FGF14: variants seen among roughly 807,000 people sequenced by gnomAD.
FGF14 encodes fibroblast growth factor 14, also known as fibroblast growth factor homologous factor 4.
Under a neutral mutation model 25.5 loss-of-function variants are expected in FGF14, and 5 were observed. That is an observed-to-expected ratio of 0.20 (90% CI 0.10 to 0.41). The LOEUF is 0.41. Ranked by LOEUF, FGF14 falls within the 10% of genes least tolerant of loss-of-function variation. FGF14 has a pLI of 1.00. For missense variants in FGF14, 222 were observed against 320.1 expected, an observed-to-expected ratio of 0.69 and a Z score of 2.34; for synonymous variants, 138 against 118.3, an observed-to-expected ratio of 1.17 and a Z score of -1.08.
At chr13:101,825,233 C>G (rs1341137207) in intron 3 of FGF14, among the ~76,000 whole-genome samples, 1 of 152,164 alleles carries the variant, frequency 6.6e-6, no homozygotes, top group Non-Finnish European at 1.5e-5. Flanking sequence ...AGATCTGACA[C>G]TAACTCCAGG....
At chr13:102,183,835 T>G (rs2048771873) in intron 1 of FGF14, among the ~76,000 whole-genome samples, 1 of 152,156 alleles carries the variant, frequency 6.6e-6, no homozygotes, top group Admixed American at 6.6e-5. Context: ...GTCTAAGATG[T>G]GGGACACAGT....
upstream of FGF14, among the ~76,000 whole-genome samples, chr13:101,920,197 T>G (rs576934919): frequency 2.0e-5 from 3 of 152,316 alleles, no homozygotes; most frequent in Admixed American, 2.0e-4. Flanking sequence ...AACACAAATG[T>G]AAAGGTTACT....
chr13:101,884,062 CAAAAAAA>C (rs11315735), intron 1 of FGF14, among the ~76,000 whole-genome samples: 53 of 37,832 alleles, frequency 1.4e-3, no homozygotes, highest in Admixed American at 3.9e-3. Context: ...GACTCCATCT[CAAAAAAA>C]AAAAAAAAAA....
intron 3 of FGF14, among the ~76,000 whole-genome samples, chr13:101,786,973 C>T (rs973607827): frequency 2.6e-5 from 4 of 152,140 alleles, no homozygotes; most frequent in African/African-American, 9.7e-5. Flanking sequence ...CACATCATGT[C>T]GCTATTTAAT....
At chr13:102,344,837 G>A (rs752588286) in intron 1 of FGF14, among the ~76,000 whole-genome samples, 21 of 152,208 alleles carry the variant, frequency 1.4e-4, no homozygotes, top group African/African-American at 1.9e-4. Context: ...ATGAATCTAC[G>A]TGGCCTAAAA....
chr13:102,315,416 T>C (rs1002692761), intron 1 of FGF14, among the ~76,000 whole-genome samples: 1 of 152,130 alleles, frequency 6.6e-6, no homozygotes. Flanking sequence ...AACCCTCCCC[T>C]GTAGGCAATG....
intron 1 of FGF14, among the ~76,000 whole-genome samples, chr13:102,267,649 T>G (rs1213152699): frequency 6.6e-6 from 1 of 152,172 alleles, no homozygotes; most frequent in Non-Finnish European, 1.5e-5. Flanking sequence ...ATGTGTTCTC[T>G]ATAAAGGATG....
At chr13:102,203,482 T>C (rs1294134000) in intron 1 of FGF14, among the ~76,000 whole-genome samples, 2 of 152,204 alleles carry the variant, frequency 1.3e-5, no homozygotes, top group African/African-American at 2.4e-5. Flanking sequence ...CCTAGGATCC[T>C]TTAGTTATAA....
chr13:102,200,338 G>C (rs1177661717), intron 1 of FGF14, among the ~76,000 whole-genome samples: 1 of 152,038 alleles, frequency 6.6e-6, no homozygotes, highest in Non-Finnish European at 1.5e-5. Flanking sequence ...CATTACTGTT[G>C]CTAAACTGAT....
chr13:101,961,195 A>ATAGT, intron 1 of FGF14, among the ~76,000 whole-genome samples: 1 of 152,172 alleles, frequency 6.6e-6, no homozygotes, highest in Admixed American at 6.5e-5. Flanking sequence ...GTTTAACTAG[A>ATAGT]TCCCATGTGT....
At chr13:102,384,317 G>A (rs2058253463) in intron 1 of FGF14, among the ~76,000 whole-genome samples, 1 of 152,028 alleles carries the variant, frequency 6.6e-6, no homozygotes, top group Non-Finnish European at 1.5e-5. Context: ...TATTTGGGAG[G>A]TACAAAGGAT....
At chr13:101,937,588 TTTTG>T (rs143232373) in intron 1 of FGF14, among the ~76,000 whole-genome samples, 34 of 151,918 alleles carry the variant, frequency 2.2e-4, no homozygotes, top group South Asian at 1.5e-3. Flanking sequence ...CATTGCTGTT[TTTTG>T]TTTGTTTGTT....
Position 101,720,160 on chromosome 13 carries a change from G to A in FGF14, c.*2671C>T. The A allele has an allele frequency of 6.6e-6, 1 of 152,010 alleles. No individual in the cohort carries two copies. Among genetic ancestry groups the A allele is most frequent in the Non-Finnish European group, 1.5e-5 (1 of 67,980 alleles). The allele number at this position is 152,010 out of a possible 1,614,324, so 9.4% of individuals were successfully genotyped here. ...AGACAAACTCTTTGTATGCAAATTAGCAATACATACCAACAGTTCTTGATA... is the reference window on the plus strand; with the variant it reads ...AGACAAACTCTTTGTATGCAAATTAACAATACATACCAACAGTTCTTGATA... On this transcript the variant is annotated 3_prime_UTR_variant, in exon 5 of 5. Transcript: ENST00000376143.
intron 1 of FGF14, among the ~76,000 whole-genome samples, chr13:102,219,474 T>C (rs564040658): frequency 3.3e-5 from 5 of 152,314 alleles, no homozygotes; most frequent in Non-Finnish European, 5.9e-5. Flanking sequence ...CTAAAGTTAG[T>C]TGTAGAATTG....
intron 1 of FGF14, among the ~76,000 whole-genome samples, chr13:101,989,392 G>T (rs1667566151): frequency 6.6e-6 from 1 of 151,944 alleles, no homozygotes; most frequent in Non-Finnish European, 1.5e-5. Context: ...ATGAAAGATG[G>T]AGAATTCTAT....
chr13:101,869,667 C>T (rs1315643539), intron 2 of FGF14, among the ~76,000 whole-genome samples: 1 of 152,104 alleles, frequency 6.6e-6, no homozygotes, highest in African/African-American at 2.4e-5. Context: ...GTGAGGTTAT[C>T]TGCTGCTACT....
At chr13:102,194,908 C>A (rs781073568) in intron 1 of FGF14, among the ~76,000 whole-genome samples, 3 of 151,846 alleles carry the variant, frequency 2.0e-5, no homozygotes, top group Non-Finnish European at 4.4e-5. Context: ...ATAAGAGGAA[C>A]AATTGATTTC....
intron 3 of FGF14, among the ~76,000 whole-genome samples, chr13:101,736,428 CAG>C (rs1430790033): frequency 1.3e-5 from 2 of 152,092 alleles, no homozygotes; most frequent in Non-Finnish European, 2.9e-5. Context: ...AGAAATTTAA[CAG>C]AATGTTTTTT....
chr13:102,082,819 G>T (rs987242174), intron 1 of FGF14, among the ~76,000 whole-genome samples: 1 of 151,178 alleles, frequency 6.6e-6, no homozygotes, highest in South Asian at 2.1e-4. Context: ...TTAGCCGGGC[G>T]TAGTGGCGGG....
Sources: gnomAD v4.1 joint callset for allele counts (sites outside exome capture counted in the v4.1 genomes callset) on GRCh38, gnomAD v4.1.1 for gene constraint, MANE v1.5 for transcripts, NCBI Gene and HGNC (gene_info 2026-07-23, HGNC 2026-07-21) for gene names.